Variants in RALYL observed in about 807,000 individuals in gnomAD.
The protein encoded by RALYL is RNA-binding Raly-like protein.
In RALYL, 29 loss-of-function variants were observed where a neutral mutation model predicts 35.1. The ratio of observed to expected loss-of-function variants is 0.83; its 90% CI spans 0.61 to 1.13. The LOEUF is 1.13. Among genes scored for constraint, RALYL ranks in the 50% most tolerant of loss-of-function variants. The pLI is 0.00. For missense variants in RALYL, 359 were observed against 360.4 expected (o/e 1.00, Z 0.03); for synonymous variants, 120 against 127.6 (o/e 0.94, Z 0.40).
intron 1 of RALYL, among the ~76,000 whole-genome samples, chr8:84,448,880 C>A (rs988486528): frequency 6.6e-6 from 1 of 151,966 alleles, no homozygotes; most frequent in Non-Finnish European, 1.5e-5. Flanking sequence ...CTTCTCCTTT[C>A]TTTTTACTTT....
intron 1 of RALYL, among the ~76,000 whole-genome samples, chr8:84,391,168 G>A (rs16912783): frequency 7.2e-5 from 11 of 151,804 alleles, no homozygotes; most frequent in South Asian, 2.1e-4. Flanking sequence ...ATCTCATTGC[G>A]TGGACGACTC....
chr8:84,490,797 G>C (rs539734594), intron 1 of RALYL, among the ~76,000 whole-genome samples: 1 of 151,766 alleles, frequency 6.6e-6, no homozygotes, highest in East Asian at 1.9e-4. Context: ...GATGGTAACT[G>C]ACTGTGGAAG....
chr8:84,748,026 C>G (rs1809069798), intron 2 of RALYL, among the ~76,000 whole-genome samples: 1 of 151,910 alleles, frequency 6.6e-6, no homozygotes, highest in Non-Finnish European at 1.5e-5. Flanking sequence ...CACTTGTCTC[C>G]TTTGTCAAGT....
intron 3 of RALYL, among the ~76,000 whole-genome samples, chr8:84,794,737 G>T (rs760131272): frequency 7.2e-5 from 11 of 152,108 alleles, no homozygotes; most frequent in Non-Finnish European, 1.5e-4. Context: ...AAAGCTGTTG[G>T]AGCATTTCAA....
At chr8:84,682,243 A>G (rs1835703072) in intron 2 of RALYL, among the ~76,000 whole-genome samples, 1 of 152,162 alleles carries the variant, frequency 6.6e-6, no homozygotes, top group African/African-American at 2.4e-5. Flanking sequence ...TTGGTTTGCC[A>G]TTATTGTATT....
chr8:84,701,764 C>T (rs924210718), intron 2 of RALYL, among the ~76,000 whole-genome samples: 4 of 152,098 alleles, frequency 2.6e-5, no homozygotes, highest in South Asian at 2.1e-4. Context: ...ATGTCCCTGC[C>T]GGGAAGCCAG....
intron 1 of RALYL, among the ~76,000 whole-genome samples, chr8:84,479,741 C>T (rs1213124981): frequency 2.0e-5 from 3 of 152,126 alleles, no homozygotes; most frequent in Non-Finnish European, 4.4e-5. Flanking sequence ...AGTTTTCAGA[C>T]ATTAGAAAAG....
intron 4 of RALYL, among the ~76,000 whole-genome samples, chr8:84,834,149 C>T (rs112421452): frequency 1.3e-5 from 2 of 152,124 alleles, no homozygotes; most frequent in East Asian, 1.9e-4. Flanking sequence ...TACTCTTCGA[C>T]TACGTGTCAC....
At chr8:84,578,611 C>T (rs1810067464) in intron 2 of RALYL, among the ~76,000 whole-genome samples, 1 of 152,082 alleles carries the variant, frequency 6.6e-6, no homozygotes, top group African/African-American at 2.4e-5. Context: ...GCAAGTCATC[C>T]AGAGTGTCCA....
intron 1 of RALYL, among the ~76,000 whole-genome samples, chr8:84,510,079 C>T (rs2057485630): frequency 6.6e-6 from 1 of 152,134 alleles, no homozygotes; most frequent in South Asian, 2.1e-4. Flanking sequence ...TGCATTGAAT[C>T]TATGGATAAA....
At chr8:84,507,675 T>C (rs1564056151) in intron 1 of RALYL, among the ~76,000 whole-genome samples, 1 of 152,156 alleles carries the variant, frequency 6.6e-6, no homozygotes, top group Non-Finnish European at 1.5e-5. Flanking sequence ...TATTTTTCCC[T>C]CCAAAGGCAG....
chr8:84,312,294 G>A (rs1256742452), intron 1 of RALYL, among the ~76,000 whole-genome samples: 2 of 152,130 alleles, frequency 1.3e-5, no homozygotes, highest in African/African-American at 4.8e-5. Context: ...ATGAGATTTA[G>A]GTGGGGACAC....
rs904111798 is a variant in RALYL at position 84,239,946 on chromosome 8, G to T, written c.-24+55522G>T. Among the ~76,000 whole-genome samples, 15 of 152,208 alleles carry T rather than the reference G, an allele frequency of 9.9e-5. No individual in the cohort carries two copies. In the East Asian group the frequency reaches 2.5e-3, roughly 25 times the overall value. On this transcript the variant is annotated intron_variant, in intron 1 of 8. Transcript: ENST00000521268. The stretch of plus-strand genomic sequence containing the variant: ...AAATAAAAGACAGTCTGGCTGTAGT[G>T]TGTGTGCCAAAGTACTGCAGCACAT...
chr8:84,813,856 ATTAAC>A (rs1242267348), intron 4 of RALYL, among the ~76,000 whole-genome samples: 1 of 151,772 alleles, frequency 6.6e-6, no homozygotes, highest in Non-Finnish European at 1.5e-5. Flanking sequence ...TGCTGCACCT[ATTAAC>A]TTGTCATTTA....
chr8:84,778,094 C>T (rs1306368534), intron 3 of RALYL, among the ~76,000 whole-genome samples: 2 of 152,110 alleles, frequency 1.3e-5, no homozygotes, highest in African/African-American at 2.4e-5. Flanking sequence ...TAGAAAATGG[C>T]AAGAACAGGG....
At chr8:84,273,883 T>G (rs1834824174) in intron 1 of RALYL, among the ~76,000 whole-genome samples, 1 of 152,216 alleles carries the variant, frequency 6.6e-6, no homozygotes, top group Non-Finnish European at 1.5e-5. Flanking sequence ...CCGTGTAAAT[T>G]GTTACTGTCT....
At chr8:84,278,092 T>A (rs1034159073) in intron 1 of RALYL, among the ~76,000 whole-genome samples, 2 of 152,252 alleles carry the variant, frequency 1.3e-5, no homozygotes, top group African/African-American at 2.4e-5. Context: ...ATGAAGACCC[T>A]GCCCCTGCAG....
At chr8:84,435,584 C>A (rs1174043655) in intron 1 of RALYL, among the ~76,000 whole-genome samples, 1 of 152,008 alleles carries the variant, frequency 6.6e-6, no homozygotes, top group Non-Finnish European at 1.5e-5. Context: ...TTTTTACTAC[C>A]CACCATATAA....
At chr8:84,284,717 T>A (rs531210974) in intron 1 of RALYL, among the ~76,000 whole-genome samples, 2 of 152,194 alleles carry the variant, frequency 1.3e-5, no homozygotes, top group African/African-American at 4.8e-5. Flanking sequence ...AAGTCATTAA[T>A]TGGAAAGAGA....
Sources: gnomAD v4.1 joint callset for allele counts (sites outside exome capture counted in the v4.1 genomes callset) on GRCh38, gnomAD v4.1.1 for gene constraint, MANE v1.5 for transcripts, NCBI Gene and HGNC (gene_info 2026-07-23, HGNC 2026-07-21) for gene names.